Variants in SPOCK1 observed in about 807,000 individuals in gnomAD.
The protein encoded by SPOCK1 is SPARC (osteonectin), cwcv and kazal like domains proteoglycan 1, also known as testican-1.
A neutral mutation model predicts 55.3 loss-of-function variants in SPOCK1; 23 were observed. That is an observed-to-expected ratio of 0.42 (90% CI 0.30 to 0.59). SPOCK1 has a LOEUF of 0.59. SPOCK1 is among the 20% of genes least tolerant of loss of function. SPOCK1 has a pLI of 0.22. For synonymous variants in SPOCK1, 226 were observed against 221.0 expected (o/e 1.02, Z -0.20); for missense variants, 499 against 552.5 (o/e 0.90, Z 0.97).
At chr5:137,435,311 C>T (rs1752837355) in intron 2 of SPOCK1, among the ~76,000 whole-genome samples, 1 of 152,166 alleles carries the variant, frequency 6.6e-6, no homozygotes, top group African/African-American at 2.4e-5. Context: ...TTCATTGACT[C>T]GTTAAAGTTC....
In SPOCK1 at chr5:137,152,675, C is replaced by A. The variant is rs752893105; in HGVS notation, c.233-11981G>T. Among the ~76,000 whole-genome samples the A allele has an allele frequency of 3.3e-5, 5 of 151,936 alleles. 1 individual carries two copies. Among genetic ancestry groups the A allele is most frequent in the South Asian group, 4.1e-4 (2 of 4,822 alleles). The stretch of plus-strand genomic sequence containing the variant: ...TAAATTTAAGGATTCTAATTTTTTT[C>A]TTTTAAAGGAGCCTCATGACTCTGT... On this transcript the variant is annotated intron_variant, in intron 3 of 10. Transcript: ENST00000394945.
intron 6 of SPOCK1, among the ~76,000 whole-genome samples, chr5:137,038,209 C>CT (rs1391790292): frequency 6.6e-6 from 1 of 152,194 alleles, no homozygotes; most frequent in Non-Finnish European, 1.5e-5. Context: ...TCACCAAAGT[C>CT]TGAGACTCAT....
At chr5:137,321,613 C>G (rs997229877) in intron 2 of SPOCK1, among the ~76,000 whole-genome samples, 7 of 152,198 alleles carry the variant, frequency 4.6e-5, no homozygotes, top group Non-Finnish European at 8.8e-5. Flanking sequence ...CGGTGGTTCA[C>G]GCCTGTAATC....
chr5:137,136,914 A>G (rs777751454), intron 4 of SPOCK1, among the ~76,000 whole-genome samples: 2 of 152,196 alleles, frequency 1.3e-5, no homozygotes, highest in Non-Finnish European at 2.9e-5. Flanking sequence ...TTTACCTGAA[A>G]CCAAATACAA....
intron 2 of SPOCK1, among the ~76,000 whole-genome samples, chr5:137,335,120 G>T (rs529779078): frequency 6.6e-6 from 1 of 152,188 alleles, no homozygotes; most frequent in Admixed American, 6.5e-5. Flanking sequence ...ACTGGATTGT[G>T]GTATAGTTGC....
intron 2 of SPOCK1, among the ~76,000 whole-genome samples, chr5:137,417,989 G>C (rs1186120753): frequency 6.6e-6 from 1 of 151,970 alleles, no homozygotes; most frequent in African/African-American, 2.4e-5. Flanking sequence ...GGTGTGTGAT[G>C]TTCCCCTTCC....
Position 137,325,920 on chromosome 5 carries a change from T to A in SPOCK1, c.187-58865A>T, listed in dbSNP as rs112774521. On this transcript the variant is annotated intron_variant, in intron 2 of 10. Coordinates refer to ENST00000394945, the MANE Select transcript of SPOCK1 (RefSeq NM_004598.4). ...CATTCCAGGCAAAGGAAACAGCGAG[T>A]GCAAAGGCCCTGAGGCCTTTTGGTT... Among the ~76,000 whole-genome samples the A allele has an allele frequency of 1.7e-3, 253 of 152,220 alleles. 1 individual carries two copies. The highest frequency in any genetic ancestry group is 5.7e-3 in the African/African-American group (235 of 41,526).
At chr5:137,230,169 G>A (rs11957243) in intron 3 of SPOCK1, among the ~76,000 whole-genome samples, 13,004 of 152,258 alleles carry the variant, frequency 0.085, 1,118 homozygotes, top group African/African-American at 0.21. Context: ...GCCACTGAGT[G>A]CACGTAAGAT....
intron 6 of SPOCK1, among the ~76,000 whole-genome samples, chr5:137,028,699 C>T (rs1028566332): frequency 6.6e-6 from 1 of 152,022 alleles, no homozygotes; most frequent in Non-Finnish European, 1.5e-5. Context: ...ATGACAGAAC[C>T]AATGGGCAAG....
At chr5:137,284,662 T>A (rs1197708490) in intron 2 of SPOCK1, among the ~76,000 whole-genome samples, 2 of 152,146 alleles carry the variant, frequency 1.3e-5, no homozygotes, top group Non-Finnish European at 2.9e-5. Context: ...CATGTTTAAT[T>A]ACAAATTTTG....
At chr5:137,487,573 A>AAAGCC (rs151019052) in intron 2 of SPOCK1, among the ~76,000 whole-genome samples, 292 of 152,346 alleles carry the variant, frequency 1.9e-3, no homozygotes, top group African/African-American at 6.8e-3. Context: ...ACTATAAACT[A>AAAGCC]AAGCCAACGT....
At position 137,276,266 on chromosome 5, in the gene SPOCK1, T is replaced by C. The variant is rs149109854; in HGVS notation, c.187-9211A>G. On this transcript the variant is annotated intron_variant, in intron 2 of 10. Transcript: ENST00000394945. ...CTGTCCATGCTATTCCTTCTGTGCC[T>C]GAAACACTCCTCCTTACCCTTCTTT... 2.4e-3 allele frequency among the ~76,000 whole-genome samples: 364 copies of C among 152,370 alleles called. 2 individuals carry two copies. Among genetic ancestry groups the C allele is most frequent in the African/African-American group, 8.4e-3 (348 of 41,596 alleles).
Position 137,050,856 on chromosome 5 carries a change from ACT to A in SPOCK1, c.589+16857_589+16858del, listed in dbSNP as rs1752191885. Among the ~76,000 whole-genome samples the A allele has an allele frequency of 2.6e-5, 4 of 152,138 alleles. No homozygotes were observed. The South Asian group carries it at 8.3e-4, about 32-fold the overall frequency. ...TCACAAAAAGCAATCTCAAACATTG[ACT>A]CTCTAGTCATAAATGTAATGAGAAA... On this transcript the variant is annotated intron_variant, in intron 6 of 10. Coordinates refer to ENST00000394945, the MANE Select transcript of SPOCK1 (RefSeq NM_004598.4).
intron 2 of SPOCK1, among the ~76,000 whole-genome samples, chr5:137,357,842 C>T (rs1480849678): frequency 1.3e-5 from 2 of 152,162 alleles, no homozygotes; most frequent in African/African-American, 2.4e-5. Flanking sequence ...TTATAATTCC[C>T]TCTTCTTACC....
intron 5 of SPOCK1, among the ~76,000 whole-genome samples, chr5:137,092,423 G>A (rs1753068662): frequency 6.6e-6 from 1 of 152,116 alleles, no homozygotes; most frequent in African/African-American, 2.4e-5. Flanking sequence ...GGGTGTCCAA[G>A]GCTGGCCCCA....
chr5:137,131,660 T>C (rs1377835222), intron 4 of SPOCK1, among the ~76,000 whole-genome samples: 3 of 150,012 alleles, frequency 2.0e-5, no homozygotes, highest in African/African-American at 7.4e-5. Flanking sequence ...ACACAGGCTC[T>C]GGTCTACCTG....
chr5:137,063,450 T>C (rs1036828557), intron 6 of SPOCK1, among the ~76,000 whole-genome samples: 9 of 146,592 alleles, frequency 6.1e-5, no homozygotes, highest in Admixed American at 6.1e-4. Flanking sequence ...GACAAGAGAG[T>C]TCTGATTTGC....
At chr5:137,387,872 AT>A (rs1349755667) in intron 2 of SPOCK1, among the ~76,000 whole-genome samples, 5 of 150,548 alleles carry the variant, frequency 3.3e-5, no homozygotes, top group East Asian at 1.9e-4. Context: ...AAAAAAAAAA[AT>A]AAAGTATATT....
chr5:137,326,950 ACAT>A (rs1758091329), intron 2 of SPOCK1, among the ~76,000 whole-genome samples: 1 of 152,184 alleles, frequency 6.6e-6, no homozygotes, highest in African/African-American at 2.4e-5. Flanking sequence ...ATTATTTCTG[ACAT>A]CATCCAAAAG....
Sources: allele counts gnomAD v4.1 joint callset (sites outside exome capture counted in the v4.1 genomes callset), GRCh38; gene constraint gnomAD v4.1.1; transcripts MANE v1.5; gene names NCBI Gene and HGNC (gene_info 2026-07-23, HGNC 2026-07-21).